KLRD1: variants seen among roughly 807,000 people sequenced by gnomAD.
KLRD1 encodes the protein natural killer cells antigen CD94.
A neutral mutation model predicts 22.6 loss-of-function variants in KLRD1; 21 were observed. The ratio of observed to expected loss-of-function variants is 0.93; its 90% confidence interval spans 0.66 to 1.34. KLRD1 has a LOEUF of 1.34. Ranked by LOEUF, KLRD1 falls within the 40% of genes most tolerant of loss-of-function variation. The probability of loss-of-function intolerance (pLI) is 0.00; values close to 1 mark genes in which losing one functional copy is unlikely to be tolerated. For synonymous variants in KLRD1, 59 were observed against 71.1 expected, an observed-to-expected ratio of 0.83 and a Z score of 0.85; for missense variants, 183 against 208.6, an observed-to-expected ratio of 0.88 and a Z score of 0.76.
At chr12:10,243,607 C>CAAAAAAAAAAA (rs34864670) in intron 1 of KLRD1, among the ~76,000 whole-genome samples, 3 of 28,810 alleles carry the variant, frequency 1.0e-4, no homozygotes, top group African/African-American at 6.1e-4. Flanking sequence ...AGTGAGACTC[C>CAAAAAAAAAAA]AAAAAAAAAA....
chr12:10,311,317 C>G, intron 3 of KLRD1, 147 bp from the exon 4 acceptor site: 1 of 545,266 alleles, frequency 1.8e-6, no homozygotes, highest in Non-Finnish European at 3.1e-6. Flanking sequence ...CTAATTAGTT[C>G]ACATTAGTAG....
intron 1 of KLRD1, among the ~76,000 whole-genome samples, chr12:10,242,071 G>GTTTTTTTTTTTT (rs72326980): frequency 3.0e-5 from 3 of 99,400 alleles, no homozygotes; most frequent in Non-Finnish European, 3.7e-5. Context: ...TGTTCTTGCT[G>GTTTTTTTTTTTT]TTTTTTTTTT....
At chr12:10,303,846 G>C (rs1253683396), upstream of KLRD1, among the ~76,000 whole-genome samples, 3 of 152,112 alleles carry the variant, frequency 2.0e-5, no homozygotes, top group Admixed American at 1.3e-4. Flanking sequence ...GCAAAGTTTT[G>C]AGCAGATCTA....
intron 1 of KLRD1, among the ~76,000 whole-genome samples, chr12:10,241,192 C>A (rs1399244902): frequency 6.6e-6 from 1 of 152,164 alleles, no homozygotes; most frequent in Non-Finnish European, 1.5e-5. Context: ...TTAATTCAAT[C>A]ATTCCCTATT....
rs750696767 is a variant in KLRD1, at chr12:10,324,818, G to GTGTATATATA, written c.*10026_*10027insGTATATATAT. The GTGTATATATA allele has an allele frequency of 2.6e-3, 195 of 74,146 alleles. 1 individual carries two copies. Among genetic ancestry groups the GTGTATATATA allele is most frequent in the African/African-American group, 6.7e-3 (157 of 23,582 alleles). The allele number at this position is 74,146 out of a possible 1,614,324, so 4.6% of individuals were successfully genotyped here. ...AGTATATATGTATATGTGTGTGTGT[G>GTGTATATATA]TATATATATATATATATATATATAT... On this transcript the variant is annotated 3_prime_UTR_variant, in exon 6 of 6. Transcript: ENST00000336164.
At chr12:10,277,750 A>G (rs1949605016) in intron 1 of KLRD1, among the ~76,000 whole-genome samples, 1 of 152,186 alleles carries the variant, frequency 6.6e-6, no homozygotes, top group African/African-American at 2.4e-5. Flanking sequence ...TATTACTTCA[A>G]TTAGTCCCTC....
Position 10,317,352 on chromosome 12 carries a change from G to A in KLRD1, c.*2559G>A, listed in dbSNP as rs1315918535. The A allele has an allele frequency of 3.3e-5, 5 of 152,158 alleles. No individual in the cohort carries two copies. The highest frequency in any genetic ancestry group is 7.2e-5 in the African/African-American group (3 of 41,412). The allele number at this position is 152,158 out of a possible 1,614,324, so 9.4% of individuals were successfully genotyped here. A position where few individuals can be genotyped will look rare whatever the true frequency, so the allele number is the denominator to read the frequency against. ...ATTAGGGAAAAGGAGTTAGGCTGGCGGGAGCAGGGAAAAGCAGAAAGAGAA... is the reference window on the plus strand; with the variant it reads ...ATTAGGGAAAAGGAGTTAGGCTGGCAGGAGCAGGGAAAAGCAGAAAGAGAA... On this transcript the variant is annotated 3_prime_UTR_variant, in exon 6 of 6. Transcript: ENST00000336164.
chr12:10,313,443 A>AT lies in KLRD1; in HGVS notation c.351dup (p.Gly118TrpfsTer6), dbSNP rs776837192. Reference sequence around the variant, plus strand: ...GAGCTCCAGTCAACAATTTTACTGGATTGGACTCTCTTACAGTGAGGAGCA... The same window carrying AT: ...GAGCTCCAGTCAACAATTTTACTGGATTTGGACTCTCTTACAGTGAGGAGCA... On this transcript the variant is annotated frameshift_variant, in exon 5 of 6. Transcript: ENST00000336164. LOFTEE classifies it high-confidence loss of function. 1 of 1,607,764 alleles carries AT rather than the reference A, an allele frequency of 6.2e-7. No homozygotes were observed. The highest frequency in any genetic ancestry group is 8.5e-7 in the Non-Finnish European group (1 of 1,176,726).
chr12:10,255,891 G>A (rs1592030135), intron 1 of KLRD1, among the ~76,000 whole-genome samples: 1 of 152,016 alleles, frequency 6.6e-6, no homozygotes, highest in South Asian at 2.1e-4. Flanking sequence ...TTATTGTTCT[G>A]GTTGTTTTTT....
At chr12:10,308,545 G>A (rs952831778) in intron 1 of KLRD1, 2 of 160,416 alleles carry the variant, frequency 1.2e-5, no homozygotes, top group African/African-American at 4.8e-5. Context: ...CGTTAGCACA[G>A]AATCTCCTAA....
At position 10,316,184 on chromosome 12, in the gene KLRD1, A is replaced by C. The variant is rs970326755; in HGVS notation, c.*1391A>C. 1 of 150,500 alleles carries C rather than the reference A, an allele frequency of 6.6e-6. No individual in the cohort carries two copies. The highest frequency in any genetic ancestry group is 6.7e-5 in the Admixed American group (1 of 15,012). The allele number at this position is 150,500 out of a possible 1,614,324, so 9.3% of individuals were successfully genotyped here. ...TTAATTGCATCTGAAAAACTGCCTC[A>C]CCTTTGTTATTTAGTGTACTCCAAC... On this transcript the variant is annotated 3_prime_UTR_variant, in exon 6 of 6. Transcript: ENST00000336164.
intron 1 of KLRD1, among the ~76,000 whole-genome samples, chr12:10,257,880 T>C (rs1379263001): frequency 6.6e-6 from 1 of 152,120 alleles, no homozygotes; most frequent in Non-Finnish European, 1.5e-5. Flanking sequence ...GGCAATTCTC[T>C]ATTAACTGTG....
chr12:10,298,859 C>T (rs766865896), intron 1 of KLRD1, among the ~76,000 whole-genome samples: 7 of 152,112 alleles, frequency 4.6e-5, no homozygotes, highest in Non-Finnish European at 5.9e-5. Context: ...AATCTCTGTT[C>T]GAGGCTCTCA....
chr12:10,260,854 A>G (rs1478792677), intron 1 of KLRD1, among the ~76,000 whole-genome samples: 1 of 152,042 alleles, frequency 6.6e-6, no homozygotes, highest in Non-Finnish European at 1.5e-5. Context: ...AGGCAGGAGA[A>G]TGGCATGAAC....
chr12:10,322,857 G>A lies in KLRD1; in HGVS notation c.*8064G>A, dbSNP rs1406256028. 1 of 151,798 alleles carries A rather than the reference G, an allele frequency of 6.6e-6. No homozygotes were observed. The highest frequency in any genetic ancestry group is 6.6e-5 in the Admixed American group (1 of 15,242). The allele number at this position is 151,798 out of a possible 1,614,324, so 9.4% of individuals were successfully genotyped here. Reference sequence around the variant, plus strand: ...CTGTCTCCCCTGTTCCAAGAAAACTGCTACTCTGATTTCTGAAAATATAGG... The same window carrying A: ...CTGTCTCCCCTGTTCCAAGAAAACTACTACTCTGATTTCTGAAAATATAGG... On this transcript the variant is annotated 3_prime_UTR_variant, in exon 6 of 6. Transcript: ENST00000336164.
intron 1 of KLRD1, among the ~76,000 whole-genome samples, chr12:10,253,157 T>C (rs145377567): frequency 7.9e-5 from 12 of 152,180 alleles, no homozygotes; most frequent in South Asian, 2.1e-4. Flanking sequence ...TATATGCTTA[T>C]AGTTCTAGCA....
upstream of KLRD1, among the ~76,000 whole-genome samples, chr12:10,302,918 A>G (rs1949879418): frequency 6.6e-6 from 1 of 152,204 alleles, no homozygotes; most frequent in Non-Finnish European, 1.5e-5. Context: ...CCCTCTCATA[A>G]TCCTAACCTC....
upstream of KLRD1, among the ~76,000 whole-genome samples, chr12:10,301,041 G>A (rs1949861880): frequency 6.6e-6 from 1 of 152,136 alleles, no homozygotes. Flanking sequence ...GATCTCTTAT[G>A]CAGACAACTA....
chr12:10,279,927 T>A (rs1349334177), intron 1 of KLRD1, among the ~76,000 whole-genome samples: 1 of 152,176 alleles, frequency 6.6e-6, no homozygotes, highest in Non-Finnish European at 1.5e-5. Flanking sequence ...GGCTTGCAAA[T>A]CTCAGTTTTG....
Sources: gnomAD v4.1 joint callset for allele counts (sites outside exome capture counted in the v4.1 genomes callset) on GRCh38, gnomAD v4.1.1 for gene constraint, MANE v1.5 for transcripts, NCBI Gene and HGNC (gene_info 2026-07-23, HGNC 2026-07-21) for gene names.